FOXN3: variants seen among roughly 807,000 people sequenced by gnomAD.
The protein encoded by FOXN3 is forkhead box protein N3.
Under a neutral mutation model 38.4 loss-of-function variants are expected in FOXN3, and 7 were observed. That is an observed-to-expected ratio of 0.18 (90% CI 0.10 to 0.34). FOXN3 has a LOEUF of 0.34. Ranked by LOEUF, FOXN3 falls within the 10% of genes least tolerant of loss-of-function variation. FOXN3 has a pLI of 1.00. For synonymous variants in FOXN3, 230 were observed against 242.2 expected, an observed-to-expected ratio of 0.95 and a Z score of 0.47; for missense variants, 456 against 613.4, an observed-to-expected ratio of 0.74 and a Z score of 2.71.
At chr14:89,436,964 T>G (rs138395900) in intron 1 of FOXN3, among the ~76,000 whole-genome samples, 6,752 of 152,118 alleles carry the variant, frequency 0.044, 182 homozygotes, top group African/African-American at 0.081. Flanking sequence ...CTGGCCAACA[T>G]GGTGAAACCC....
chr14:89,178,981 T>C (rs1040195397), intron 5 of FOXN3, among the ~76,000 whole-genome samples: 2 of 152,198 alleles, frequency 1.3e-5, no homozygotes, highest in Non-Finnish European at 2.9e-5. Context: ...GAAGGTAAAC[T>C]ATGAGGCAAC....
At chr14:89,318,588 C>T (rs937184073) in intron 3 of FOXN3, among the ~76,000 whole-genome samples, 2 of 152,212 alleles carry the variant, frequency 1.3e-5, no homozygotes, top group Non-Finnish European at 2.9e-5. Context: ...ATAATCTTGG[C>T]TAACCGTTAT....
intron 2 of FOXN3, 79 bp downstream of exon 2, chr14:89,411,855 G>C (rs1891553683): frequency 1.0e-6 from 1 of 954,558 alleles, no homozygotes; most frequent in Admixed American, 3.3e-5. Context: ...GTGGTGAATA[G>C]AAATTCATTT....
chr14:89,605,274 T>G (rs1896247606), intron 1 of FOXN3, among the ~76,000 whole-genome samples: 1 of 152,116 alleles, frequency 6.6e-6, no homozygotes, highest in Non-Finnish European at 1.5e-5. Context: ...CTTGCATTGT[T>G]TGAGAGGAGA....
intron 2 of FOXN3, among the ~76,000 whole-genome samples, chr14:89,354,849 C>T (rs974949207): frequency 8.0e-5 from 12 of 150,028 alleles, no homozygotes; most frequent in East Asian, 3.9e-4. Flanking sequence ...AGTGAGACTC[C>T]GTCTCAAAAA....
In FOXN3 at chr14:89,548,663, C is replaced by T. The variant is rs243212; in HGVS notation, c.-15+70365G>A. Among the ~76,000 whole-genome samples, 41,237 of 151,916 alleles carry T rather than the reference C, an allele frequency of 0.27. 5,984 individuals are homozygous for T. Among genetic ancestry groups the T allele is most frequent in the East Asian group, 0.45 (2,342 of 5,164 alleles). Reference sequence around the variant, plus strand: ...TAAGTTATTACCATAATAATGATGACTTTTCTTTTCAATTTATATATATGT... The same window carrying T: ...TAAGTTATTACCATAATAATGATGATTTTTCTTTTCAATTTATATATATGT... On this transcript the variant is annotated intron_variant, in intron 1 of 6. Transcript: ENST00000345097. The surrounding 1 kb of genome is among the most constrained non-coding windows in gnomAD (Gnocchi z 4.8).
intron 1 of FOXN3, among the ~76,000 whole-genome samples, chr14:89,601,366 A>T (rs1896148998): frequency 6.6e-6 from 1 of 152,272 alleles, no homozygotes; most frequent in Non-Finnish European, 1.5e-5. Context: ...TAGCAAGTGG[A>T]TAATAGATTA....
chr14:89,558,706 G>A (rs1316483219), intron 1 of FOXN3, among the ~76,000 whole-genome samples: 2 of 152,218 alleles, frequency 1.3e-5, no homozygotes, highest in Non-Finnish European at 2.9e-5. Context: ...AGGGAAGGTG[G>A]TGCAGGGAGG....
intron 3 of FOXN3, among the ~76,000 whole-genome samples, chr14:89,301,772 TA>T (rs1364364136): frequency 2.7e-5 from 4 of 149,274 alleles, no homozygotes; most frequent in African/African-American, 7.4e-5. Context: ...TGTCTCAAAA[TA>T]AAAAAAAAAT....
At chr14:89,354,877 T>G (rs1374039005) in intron 2 of FOXN3, among the ~76,000 whole-genome samples, 1 of 151,770 alleles carries the variant, frequency 6.6e-6, no homozygotes, top group African/African-American at 2.4e-5. Flanking sequence ...AATAAATAAA[T>G]AAATAACTGT....
intron 4 of FOXN3, among the ~76,000 whole-genome samples, chr14:89,279,403 G>T (rs1000107011): frequency 1.3e-5 from 2 of 152,046 alleles, no homozygotes; most frequent in African/African-American, 4.8e-5. Context: ...CGAACAAAAA[G>T]AACTTACCTA....
chr14:89,227,500 T>C (rs765725343), intron 4 of FOXN3, among the ~76,000 whole-genome samples: 24 of 152,208 alleles, frequency 1.6e-4, no homozygotes, highest in African/African-American at 4.3e-4. Context: ...TGGAATATAA[T>C]AGTCGGTGAA....
At chr14:89,554,931 G>A (rs928739580) in intron 1 of FOXN3, among the ~76,000 whole-genome samples, 2 of 151,782 alleles carry the variant, frequency 1.3e-5, no homozygotes, top group South Asian at 2.1e-4. Flanking sequence ...TGTGATTACA[G>A]GCACCCAGCA....
rs1202531466 is a variant in FOXN3 at position 89,288,670 on chromosome 14, TTCTCTC to T, written c.681-7662_681-7657del. Among the ~76,000 whole-genome samples, 73 of 54,032 alleles carry T rather than the reference TTCTCTC, an allele frequency of 1.4e-3. 1 individual carries two copies. Among genetic ancestry groups the T allele is most frequent in the Non-Finnish European group, 1.9e-3 (54 of 28,548 alleles). The allele number at this position is 54,032 out of a possible 152,430, so 35.4% of individuals were successfully genotyped here. A position where few individuals can be genotyped will look rare whatever the true frequency, so the allele number is the denominator to read the frequency against. ...CCAAAGGCTGTAATAGGCACTCTCT[TTCTCTC>T]TCTCTCTCTCTCTCTCTCTCTCTCT... On this transcript the variant is annotated intron_variant, in intron 3 of 5. Coordinates refer to ENST00000557258, the MANE Select transcript of FOXN3 (RefSeq NM_005197.4).
At chr14:89,314,554 T>C (rs1037855093) in intron 3 of FOXN3, among the ~76,000 whole-genome samples, 2 of 152,224 alleles carry the variant, frequency 1.3e-5, no homozygotes, top group Non-Finnish European at 2.9e-5. Flanking sequence ...AAAGATACTT[T>C]TAGAAAATTC....
chr14:89,281,349 G>T (rs745582356), intron 3 of FOXN3, among the ~76,000 whole-genome samples: 1 of 152,176 alleles, frequency 6.6e-6, no homozygotes, highest in African/African-American at 2.4e-5. Flanking sequence ...ATAATTTCAT[G>T]AATGTATGTG....
Position 89,595,055 on chromosome 14 carries a change from G to A in FOXN3, c.-15+23973C>T, listed in dbSNP as rs752398235. Among the ~76,000 whole-genome samples, 4 of 151,752 alleles carry A rather than the reference G, an allele frequency of 2.6e-5. No individual in the cohort carries two copies. The South Asian group carries it at 6.2e-4, about 24-fold the overall frequency. The stretch of plus-strand genomic sequence containing the variant: ...CTTCCGGCCAGGCGCAGTGGCTCAC[G>A]CCTGTAATCCCAGCACTTTGGGAGG... On this transcript the variant is annotated intron_variant, in intron 1 of 6. Transcript: ENST00000345097.
intron 2 of FOXN3, chr14:89,364,706 T>G (rs1475649795): frequency 6.6e-6 from 1 of 152,250 alleles, no homozygotes; most frequent in Non-Finnish European, 1.5e-5. Flanking sequence ...TCACTATTAG[T>G]GTGTCACTTA....
intron 4 of FOXN3, among the ~76,000 whole-genome samples, chr14:89,191,177 CAG>C (rs1887931808): frequency 6.6e-6 from 1 of 152,142 alleles, no homozygotes; most frequent in Admixed American, 6.5e-5. Context: ...TATATAGAGA[CAG>C]AGAAAAATAT....
Sources: gnomAD v4.1 joint callset for allele counts (sites outside exome capture counted in the v4.1 genomes callset) on GRCh38, gnomAD v4.1.1 for gene constraint, Gnocchi (gnomAD v3.1) non-coding constraint, MANE v1.5 for transcripts, NCBI Gene and HGNC (gene_info 2026-07-23, HGNC 2026-07-21) for gene names.